Variants in ZNF429 observed in about 807,000 individuals in gnomAD.
ZNF429 encodes zinc finger protein 429.
ZNF429 carries 53 observed loss-of-function variants against 56.8 expected under a neutral mutation model. That is an observed-to-expected ratio of 0.93 (90% CI 0.75 to 1.17). The LOEUF (loss-of-function observed/expected upper bound fraction) is 1.17. ZNF429 is among the 50% of genes most tolerant of loss of function. ZNF429 has a pLI of 0.00. For synonymous variants in ZNF429, 278 were observed against 264.7 expected, an observed-to-expected ratio of 1.05 and a Z score of -0.49; for missense variants, 849 against 788.4, an observed-to-expected ratio of 1.08 and a Z score of -0.92.
intron 1 of ZNF429, among the ~76,000 whole-genome samples, chr19:21,508,324 A>G (rs1295556731): frequency 6.6e-6 from 1 of 152,136 alleles, no homozygotes; most frequent in African/African-American, 2.4e-5. Context: ...TGCAAAGTAA[A>G]ATGCACTTGG....
Position 21,535,432 on chromosome 19 carries a change from C to CTT in ZNF429, c.227-846_227-845dup. 3.5e-3 allele frequency among the ~76,000 whole-genome samples: 53 copies of CTT among 15,004 alleles called. 4 individuals carry two copies. The highest frequency in any genetic ancestry group is 0.014 in the African/African-American group (39 of 2,824). The allele number at this position is 15,004 out of a possible 152,430, so 9.8% of individuals were successfully genotyped here. On this transcript the variant is annotated intron_variant, in intron 3 of 3. Coordinates refer to ENST00000358491, the MANE Select transcript of ZNF429 (RefSeq NM_001001415.4). ...TTTTCTTTTCTTTCTTTCTTTCTTT[C>CTT]TTTCTTTCTTTCTTTCTTTCTTTCT...
intron 1 of ZNF429, among the ~76,000 whole-genome samples, chr19:21,524,813 A>G (rs534320293): frequency 6.6e-6 from 1 of 152,264 alleles, no homozygotes; most frequent in African/African-American, 2.4e-5. Context: ...CTTCTGTTTC[A>G]ATGTAAGAGA....
chr19:21,507,511 C>CTT (rs1028010252), intron 1 of ZNF429: 2 of 152,174 alleles, frequency 1.3e-5, no homozygotes, highest in African/African-American at 4.8e-5. Flanking sequence ...TTCCTTTTAT[C>CTT]TTCCCTAGGC....
chr19:21,518,802 C>G (rs554511656), intron 1 of ZNF429: 1 of 152,364 alleles, frequency 6.6e-6, no homozygotes, highest in Non-Finnish European at 1.5e-5. Flanking sequence ...TCGTGATCTG[C>G]CCACCTCAGC....
intron 3 of ZNF429, among the ~76,000 whole-genome samples, chr19:21,531,130 CCAAAAAAAAAAAAA>C: frequency 8.8e-6 from 1 of 113,160 alleles, no homozygotes; most frequent in African/African-American, 3.1e-5. Context: ...AAAAAAAAAA[CCAAAAAAAAAAAAA>C]CACCCGTCTT....
chr19:21,528,508 C>A (rs2033249900), intron 1 of ZNF429, among the ~76,000 whole-genome samples: 1 of 152,040 alleles, frequency 6.6e-6, no homozygotes, highest in South Asian at 2.1e-4. Flanking sequence ...AGTTCAAAAC[C>A]TGTCTGACCA....
At chr19:21,510,808 T>C (rs980933770) in intron 1 of ZNF429, among the ~76,000 whole-genome samples, 18 of 152,038 alleles carry the variant, frequency 1.2e-4, no homozygotes, top group Non-Finnish European at 2.6e-4. Flanking sequence ...CCTTCAAGCA[T>C]CTGTTTAACA....
At chr19:21,511,536 G>A (rs569509385) in intron 1 of ZNF429, among the ~76,000 whole-genome samples, 8 of 151,566 alleles carry the variant, frequency 5.3e-5, no homozygotes, top group Admixed American at 2.0e-4. Context: ...GGGAAGAGGC[G>A]CTCCTCACTT....
At chr19:21,515,409 A>G (rs1187407022) in intron 1 of ZNF429, among the ~76,000 whole-genome samples, 1 of 151,972 alleles carries the variant, frequency 6.6e-6, no homozygotes, top group Non-Finnish European at 1.5e-5. Flanking sequence ...GCATCTATTC[A>G]TGTTTTTTGC....
chr19:21,512,683 A>G (rs1018564864), intron 1 of ZNF429, among the ~76,000 whole-genome samples: 17 of 142,294 alleles, frequency 1.2e-4, no homozygotes, highest in Admixed American at 1.1e-3. Flanking sequence ...AAAAAAAAAA[A>G]AGGAGGAAAG....
rs1386017217 is a variant in ZNF429 at position 21,536,628 on chromosome 19, AG to A, written c.576del (p.Ile194PhefsTer112). On this transcript the variant is annotated frameshift_variant, in exon 4 of 4. Transcript: ENST00000358491. LOFTEE classifies it high-confidence loss of function. Reference protein sequence around the residue: ...FCMLSQLTQHKKIHIRENTYR... With the variant: ...FCMLSQLTQHXKIHIRENTYR... ...ATGCTTTCACAACTAACTCAACATA[AG>A]AAAATTCATATTAGAGAGAATACCT... 17 of 1,613,726 alleles carry A rather than the reference AG, an allele frequency of 1.1e-5. No individual in the cohort carries two copies. The African/African-American group carries it at 2.0e-4, about 19-fold the overall frequency.
Position 21,537,459 on chromosome 19 carries a change from C to T in ZNF429, c.1406C>T (p.Thr469Ile). Residue 469 changes from threonine (T) to isoleucine (I), a missense_variant, in exon 4 of 4, where the codon ACT (threonine) becomes ATT (isoleucine). Physicochemically the swap from Thr to Ile is moderately conservative, Grantham distance 89 (BLOSUM62 -1). Transcript: ENST00000358491. ...GKAFNRSSHL[T>I]SHRRIHTGEK... The stretch of plus-strand genomic sequence containing the variant: ...GCTTTTAACCGGTCCTCACACCTTA[C>T]TAGCCATAGGAGAATTCATACTGGA... 2 of 1,613,808 alleles carry T rather than the reference C, an allele frequency of 1.2e-6. No individual in the cohort carries two copies. The highest frequency in any genetic ancestry group is 1.7e-6 in the Non-Finnish European group (2 of 1,179,970).
intron 1 of ZNF429, among the ~76,000 whole-genome samples, chr19:21,513,129 C>T (rs1226817982): frequency 1.3e-5 from 2 of 152,094 alleles, no homozygotes; most frequent in Admixed American, 6.6e-5. Flanking sequence ...CCTCAGCCTC[C>T]AAAAGTGCTG....
At chr19:21,526,859 C>T (rs2033189523) in intron 1 of ZNF429, among the ~76,000 whole-genome samples, 1 of 152,118 alleles carries the variant, frequency 6.6e-6, no homozygotes, top group East Asian at 1.9e-4. Flanking sequence ...CTAGTTTGTT[C>T]TTGCAGTCAA....
At chr19:21,521,975 G>C (rs2032999991) in intron 1 of ZNF429, 1 of 152,438 alleles carries the variant, frequency 6.6e-6, no homozygotes, top group Non-Finnish European at 1.5e-5. Context: ...GCTGCCAGCT[G>C]TGAGCCCTGT....
At position 21,535,342 on chromosome 19, in the gene ZNF429, TC is replaced by T; in HGVS notation, c.227-936del. Among the ~76,000 whole-genome samples, 610 of 107,414 alleles carry T rather than the reference TC, an allele frequency of 5.7e-3. 46 individuals are homozygous for T. The highest frequency in any genetic ancestry group is 8.9e-3 in the African/African-American group (276 of 30,838). 70.5% of individuals were successfully genotyped at this position (107,414 alleles called of 152,430 possible). ...TTCTTTCTTTCTCTTTTCTTTTCTT[TC>T]CTTTCCTTTCTTTTCTTCTTTCTTT... On this transcript the variant is annotated intron_variant, in intron 3 of 3. Transcript: ENST00000358491.
At chr19:21,506,412 A>G (rs890006838) in intron 1 of ZNF429, among the ~76,000 whole-genome samples, 11 of 145,820 alleles carry the variant, frequency 7.5e-5, no homozygotes, top group Admixed American at 6.3e-4. Flanking sequence ...ATTGCACTCC[A>G]GGCTGGTTGA....
intron 1 of ZNF429, among the ~76,000 whole-genome samples, chr19:21,527,431 CAT>C (rs1490621495): frequency 2.0e-5 from 3 of 152,154 alleles, no homozygotes; most frequent in Non-Finnish European, 2.9e-5. Context: ...TTAAGTGCCT[CAT>C]GTGATTCTAA....
At chr19:21,533,970 C>T in intron 3 of ZNF429, among the ~76,000 whole-genome samples, 3 of 152,076 alleles carry the variant, frequency 2.0e-5, no homozygotes, top group Non-Finnish European at 2.9e-5. Flanking sequence ...GGGTATATTT[C>T]TGTGCTGTGT....
Sources: allele counts gnomAD v4.1 joint callset (sites outside exome capture counted in the v4.1 genomes callset), GRCh38; gene constraint gnomAD v4.1.1; transcripts MANE v1.5; gene names NCBI Gene and HGNC (gene_info 2026-07-23, HGNC 2026-07-21).